The following HDAC4 variants were observed in gnomAD, a reference collection of about 807,000 sequenced individuals.
The protein encoded by HDAC4 is histone deacetylase A.
A neutral mutation model predicts 135.1 loss-of-function variants in HDAC4; 16 were observed. The observed-to-expected ratio is 0.12, with a 90% CI of 0.08 to 0.18. HDAC4 has a LOEUF of 0.18. HDAC4 is among the 10% of genes least tolerant of loss of function. The pLI, the probability that HDAC4 is intolerant of heterozygous loss-of-function variation, is 1.00. For missense variants in HDAC4, 1,143 were observed against 1,511.8 expected (o/e 0.76, Z 4.05); for synonymous variants, 685 against 653.4 (o/e 1.05, Z -0.74).
chr2:239,066,527 C>T (rs543139130), intron 24 of HDAC4, among the ~76,000 whole-genome samples, 195 bp downstream of exon 24: 1 of 152,368 alleles, frequency 6.6e-6, no homozygotes, highest in East Asian at 1.9e-4. Flanking sequence ...CCCTGCACCT[C>T]TTCCAGCCAT....
intron 24 of HDAC4, among the ~76,000 whole-genome samples, chr2:239,057,734 CAT>C (rs2032093274): frequency 6.6e-6 from 1 of 152,190 alleles, no homozygotes. Flanking sequence ...AAGTTGACCA[CAT>C]GAGTGTTTTC....
chr2:239,255,591 GC>G (rs2049008603), intron 2 of HDAC4, among the ~76,000 whole-genome samples: 1 of 152,142 alleles, frequency 6.6e-6, no homozygotes, highest in African/African-American at 2.4e-5. Flanking sequence ...GTACGCACAG[GC>G]ACCAAAACAC....
intron 4 of HDAC4, 70 bp from the exon 5 acceptor site, chr2:239,176,633 C>T: frequency 1.4e-6 from 2 of 1,471,876 alleles, no homozygotes; most frequent in Non-Finnish European, 1.9e-6. Flanking sequence ...CCAATGAAGA[C>T]CCAAGAAACC....
intron 1 of HDAC4, among the ~76,000 whole-genome samples, chr2:239,362,612 G>A (rs1693934769): frequency 6.6e-6 from 1 of 152,184 alleles, no homozygotes; most frequent in Non-Finnish European, 1.5e-5. Context: ...CTGCCATGCT[G>A]GTGACGGAAC....
chr2:239,191,382 T>C (rs2044942271), intron 3 of HDAC4, among the ~76,000 whole-genome samples: 1 of 152,154 alleles, frequency 6.6e-6, no homozygotes, highest in African/African-American at 2.4e-5. Context: ...ACTCAGTTCC[T>C]AGGAAAACCT....
intron 1 of HDAC4, among the ~76,000 whole-genome samples, chr2:239,383,899 C>A (rs998099891): frequency 6.6e-6 from 1 of 152,232 alleles, no homozygotes; most frequent in Admixed American, 6.5e-5. Flanking sequence ...GCCCCGCCAA[C>A]AAGGCCAGAC....
rs755538495 is a variant in HDAC4, at chr2:239,374,386, C to CTTTTTTTTT, written c.-219-21477_-219-21469dup. On this transcript the variant is annotated intron_variant, in intron 1 of 26. Transcript: ENST00000543185. ...CACCCCAGATGAATAGAAAACAAGG[C>CTTTTTTTTT]TTTTTTTTTTTTTTTTTTTTTTTTT... 7.6e-4 allele frequency among the ~76,000 whole-genome samples: 43 copies of CTTTTTTTTT among 56,704 alleles called. 6 individuals carry two copies. Among genetic ancestry groups the CTTTTTTTTT allele is most frequent in the East Asian group, 1.2e-3 (2 of 1,662 alleles). 37.2% of individuals were successfully genotyped at this position (56,704 alleles called of 152,430 possible).
At chr2:239,376,526 C>T (rs1695018333) in intron 1 of HDAC4, among the ~76,000 whole-genome samples, 1 of 152,278 alleles carries the variant, frequency 6.6e-6, no homozygotes, top group Admixed American at 6.5e-5. Flanking sequence ...GTCGACCGCC[C>T]TGGCCCGAAG....
rs376982847 is a variant in HDAC4 at position 239,214,710 on chromosome 2, C to T, written c.94+21883G>A. Among the ~76,000 whole-genome samples the T allele has an allele frequency of 9.8e-4, 150 of 152,374 alleles. 1 individual carries two copies. The highest frequency in any genetic ancestry group is 3.4e-3 in the African/African-American group (143 of 41,586). ...AAAGAGGTATATTTTACACTCTGCC[C>T]TTCTCAAATGTACAATCCAACAATC... On this transcript the variant is annotated intron_variant, in intron 3 of 26. Transcript: ENST00000543185.
chr2:239,085,005 A>T (rs2035786889), intron 19 of HDAC4, among the ~76,000 whole-genome samples: 1 of 140,326 alleles, frequency 7.1e-6, no homozygotes, highest in South Asian at 2.4e-4. Context: ...GCATATACCT[A>T]TCACACACAT....
chr2:239,071,463 G>A (rs1464497869), intron 22 of HDAC4, among the ~76,000 whole-genome samples: 2 of 152,212 alleles, frequency 1.3e-5, no homozygotes, highest in Non-Finnish European at 2.9e-5. Flanking sequence ...GTGATTTTCT[G>A]TGAAAGTGCT....
At chr2:239,090,238 G>C (rs2036382319) in intron 17 of HDAC4, 122 bp from the exon 18 acceptor site, 3 of 728,244 alleles carry the variant, frequency 4.1e-6, no homozygotes, top group Non-Finnish European at 7.6e-6. Context: ...GCCTACCAGA[G>C]CCAGGGCAGC....
chr2:239,184,069 TAAAAAAAAAAA>T (rs58952360), intron 4 of HDAC4, among the ~76,000 whole-genome samples: 21 of 71,404 alleles, frequency 2.9e-4, no homozygotes, highest in African/African-American at 9.8e-4. Context: ...CTTGCTAGTG[TAAAAAAAAAAA>T]AAAAAAAAAA....
intron 4 of HDAC4, 87 bp from the exon 5 acceptor site, chr2:239,176,650 G>T: frequency 8.0e-7 from 1 of 1,251,060 alleles, no homozygotes. Flanking sequence ...AACCAGCCCA[G>T]GCCCTACACG....
intron 5 of HDAC4, among the ~76,000 whole-genome samples, chr2:239,168,824 C>G (rs1010107648): frequency 2.8e-4 from 43 of 152,210 alleles, no homozygotes; most frequent in African/African-American, 1.0e-3. Context: ...CACAAGCTTG[C>G]CAAGTACCCA....
chr2:239,074,108 G>GGGGAGCAGCAGGACTGA (rs2034496912), intron 22 of HDAC4, among the ~76,000 whole-genome samples: 2 of 152,078 alleles, frequency 1.3e-5, no homozygotes. Flanking sequence ...GCAGGACTGA[G>GGGGAGCAGCAGGACTGA]GGGGCCGCCC....
At chr2:239,348,487 A>G (rs1692880485) in intron 2 of HDAC4, among the ~76,000 whole-genome samples, 1 of 152,206 alleles carries the variant, frequency 6.6e-6, no homozygotes, top group Non-Finnish European at 1.5e-5. Context: ...GCCCTTAACC[A>G]CAAGGAAAGA....
intron 1 of HDAC4, among the ~76,000 whole-genome samples, chr2:239,371,840 A>G (rs1448653586): frequency 6.6e-6 from 1 of 152,190 alleles, no homozygotes; most frequent in Non-Finnish European, 1.5e-5. Context: ...TGCCTCATTC[A>G]CCTGTATTGT....
At chr2:239,156,147 C>G (rs912887406) in intron 7 of HDAC4, among the ~76,000 whole-genome samples, 5 of 152,246 alleles carry the variant, frequency 3.3e-5, no homozygotes, top group African/African-American at 1.2e-4. Flanking sequence ...TGGCACATAA[C>G]TCTGAGCCCA....
Sources: allele counts gnomAD v4.1 joint callset (sites outside exome capture counted in the v4.1 genomes callset), GRCh38; gene constraint gnomAD v4.1.1; transcripts MANE v1.5; gene names NCBI Gene and HGNC (gene_info 2026-07-23, HGNC 2026-07-21).